Variants in RC3H2 observed in about 807,000 individuals in gnomAD.
RC3H2 encodes the protein roquin-2.
Under a neutral mutation model 133.3 loss-of-function variants are expected in RC3H2, and 31 were observed. That is an observed-to-expected ratio of 0.23 (90% CI 0.17 to 0.31). RC3H2 has a LOEUF of 0.31. Among genes scored for constraint, RC3H2 ranks in the 10% least tolerant of loss-of-function variants. RC3H2 has a pLI of 1.00. For missense variants in RC3H2, 1,175 were observed against 1,437.2 expected, an observed-to-expected ratio of 0.82 and a Z score of 2.95; for synonymous variants, 517 against 502.2, an observed-to-expected ratio of 1.03 and a Z score of -0.40.
chr9:122,866,551 C>T (rs1428859640), intron 9 of RC3H2, among the ~76,000 whole-genome samples: 1 of 151,962 alleles, frequency 6.6e-6, no homozygotes, highest in Non-Finnish European at 1.5e-5. Context: ...ATTGCAGGCG[C>T]GCGCCGCCAC....
chr9:122,853,241 C>G (rs1214903095), intron 18 of RC3H2, among the ~76,000 whole-genome samples: 1 of 151,730 alleles, frequency 6.6e-6, no homozygotes, highest in African/African-American at 2.4e-5. Flanking sequence ...GACACAAACG[C>G]TGCGGAAGGC....
At chr9:122,894,168 A>C (rs1363487804) in intron 2 of RC3H2, among the ~76,000 whole-genome samples, 1 of 152,044 alleles carries the variant, frequency 6.6e-6, no homozygotes, top group Non-Finnish European at 1.5e-5. Flanking sequence ...CTGAGGCAGG[A>C]GAATGCCGTG....
chr9:122,852,122 G>C (rs1031481188), intron 18 of RC3H2, among the ~76,000 whole-genome samples: 61 of 147,096 alleles, frequency 4.1e-4, no homozygotes, highest in South Asian at 1.1e-3. Context: ...CCGTCGTCTG[G>C]GATGTGGGGA....
intron 2 of RC3H2, among the ~76,000 whole-genome samples, chr9:122,896,971 A>G (rs1191352178): frequency 1.4e-5 from 2 of 139,632 alleles, no homozygotes; most frequent in African/African-American, 5.4e-5. Context: ...GGTTGCAGTG[A>G]GCCCAGATCA....
At chr9:122,855,949 GT>G (rs1462140298) in intron 13 of RC3H2, 71 bp from the exon 14 acceptor site, 4 of 1,269,692 alleles carry the variant, frequency 3.2e-6, no homozygotes, top group Non-Finnish European at 4.3e-6. Flanking sequence ...CTAATATAAA[GT>G]AACTATTATA....
chr9:122,871,029 A>G (rs1831063870), intron 9 of RC3H2, among the ~76,000 whole-genome samples: 1 of 152,224 alleles, frequency 6.6e-6, no homozygotes, highest in Non-Finnish European at 1.5e-5. Context: ...TCCTACAGCT[A>G]GATGATATTG....
At chr9:122,852,982 C>T (rs1272244069) in intron 18 of RC3H2, among the ~76,000 whole-genome samples, 7 of 152,254 alleles carry the variant, frequency 4.6e-5, no homozygotes, top group Middle Eastern at 3.4e-3. Context: ...GGATGGTAGC[C>T]GTGTCTGTGT....
intron 15 of RC3H2, 25 bp from the exon 16 acceptor site, chr9:122,854,640 T>A (rs1273281899): frequency 6.5e-7 from 1 of 1,538,582 alleles, no homozygotes; most frequent in Non-Finnish European, 9.0e-7. Flanking sequence ...AATGAAACAA[T>A]GGTCAAAAAA....
chr9:122,851,766 C>A lies in RC3H2; in HGVS notation c.3118-330G>T, dbSNP rs1251844154. On this transcript the variant is annotated intron_variant, in intron 18 of 20. Coordinates refer to ENST00000357244, the MANE Select transcript of RC3H2 (RefSeq NM_001100588.3). ...TGCCAGCCTCGGCCTCCCGAGGTGC[C>A]GGGATTGCAGACGGAGTCTGGTTCA... Among the ~76,000 whole-genome samples, 3 of 152,146 alleles carry A rather than the reference C, an allele frequency of 2.0e-5. No individual in the cohort carries two copies. In the East Asian group the frequency reaches 5.8e-4, roughly 29 times the overall value.
chr9:122,872,551 T>C (rs572369737), intron 9 of RC3H2, among the ~76,000 whole-genome samples: 1 of 152,328 alleles, frequency 6.6e-6, no homozygotes, highest in East Asian at 1.9e-4. Context: ...TTCCTCTTTT[T>C]CCATTAGAAA....
intron 9 of RC3H2, 128 bp downstream of exon 9, chr9:122,877,343 G>A (rs74885279): frequency 1.4e-6 from 1 of 705,178 alleles, no homozygotes; most frequent in Non-Finnish European, 2.4e-6. Context: ...TGGGACTACA[G>A]GCATGAGCTA....
Position 122,857,947 on chromosome 9 carries a change from C to T in RC3H2, c.2430G>A (p.Leu810=), listed in dbSNP as rs766057890. ...CATCCGCACGAAAGTCTACACTGAACAGAGGAGAAGGTGGTGTTGGTGACT... is the reference window on the plus strand; with the variant it reads ...CATCCGCACGAAAGTCTACACTGAATAGAGGAGAAGGTGGTGTTGGTGACT... ...ATQSPTPPSP[L]FSVDFRADFS... is the part of the protein sequence containing the mutation. The change falls in exon 13 of 21, where the codon CTG becomes CTA. Residue 810 remains leucine, a synonymous_variant. Transcript: ENST00000357244. 6 of 1,613,998 alleles carry T rather than the reference C, an allele frequency of 3.7e-6. No individual in the cohort carries two copies. The highest frequency in any genetic ancestry group is 5.1e-6 in the Non-Finnish European group (6 of 1,179,986).
intron 12 of RC3H2, 33 bp downstream of exon 12, chr9:122,858,636 T>C (rs1488487683): frequency 1.3e-6 from 2 of 1,569,082 alleles, no homozygotes; most frequent in Non-Finnish European, 1.7e-6. Context: ...ACTGGGCTGT[T>C]AATGACTACA....
intron 5 of RC3H2, 48 bp downstream of exon 5, chr9:122,883,154 GTC>G (rs774965084): frequency 1.3e-6 from 2 of 1,529,956 alleles, no homozygotes; most frequent in South Asian, 2.4e-5. Context: ...ATTTCAGGAA[GTC>G]TCTGTCTCAC....
At chr9:122,904,302 C>T (rs563518797) in intron 1 of RC3H2, among the ~76,000 whole-genome samples, 27 of 152,266 alleles carry the variant, frequency 1.8e-4, no homozygotes, top group Non-Finnish European at 2.8e-4. Context: ...TTACTTGAGT[C>T]AATTTTGGTG....
In RC3H2 at chr9:122,865,501, G is replaced by A. The variant is rs369650946; in HGVS notation, c.1482C>T (p.Asn494=). 22 of 1,614,010 alleles carry A rather than the reference G, an allele frequency of 1.4e-5. No individual in the cohort carries two copies. The highest frequency in any genetic ancestry group is 8.3e-5 in the Admixed American group (5 of 60,000). ...ETTGKIVPST[N]GISNAENSVS... The stretch of plus-strand genomic sequence containing the variant: ...CACTGTTTTCTGCATTTGAAATTCC[G>A]TTTGTACTTGGAACAATTTTCCCTG... The change falls in exon 10 of 21, where the codon AAC becomes AAT. Residue 494 remains asparagine, a synonymous_variant. Transcript: ENST00000357244.
At chr9:122,876,274 G>C (rs1025796185) in intron 9 of RC3H2, among the ~76,000 whole-genome samples, 2 of 152,098 alleles carry the variant, frequency 1.3e-5, no homozygotes, top group African/African-American at 4.8e-5. Context: ...AGGAGGTATG[G>C]GAGAAAATTA....
At chr9:122,869,145 A>G (rs1830937465) in intron 9 of RC3H2, among the ~76,000 whole-genome samples, 1 of 152,048 alleles carries the variant, frequency 6.6e-6, no homozygotes, top group Admixed American at 6.6e-5. Context: ...ACCTCAGGTG[A>G]TCTGCCCACT....
Position 122,875,451 on chromosome 9 carries a change from C to T in RC3H2, c.1325+2020G>A. ...GGTTTTTATAAATAAAGTTTACAGCCATGCCCAATTTATGCATTGTCTGTG... is the reference window on the plus strand; with the variant it reads ...GGTTTTTATAAATAAAGTTTACAGCTATGCCCAATTTATGCATTGTCTGTG... On this transcript the variant is annotated intron_variant, in intron 9 of 20. Transcript: ENST00000357244. 3 of 1,429,556 alleles carry T rather than the reference C, an allele frequency of 2.1e-6. No individual in the cohort carries two copies. The South Asian group carries it at 4.8e-5, about 23-fold the overall frequency. The allele number at this position is 1,429,556 out of a possible 1,614,324, so 88.6% of individuals were successfully genotyped here.
Sources: allele counts gnomAD v4.1 joint callset (sites outside exome capture counted in the v4.1 genomes callset), GRCh38; gene constraint gnomAD v4.1.1; transcripts MANE v1.5; gene names NCBI Gene and HGNC (gene_info 2026-07-23, HGNC 2026-07-21).